SNAPC1: variants seen among roughly 807,000 people sequenced by gnomAD.
The protein encoded by SNAPC1 is small nuclear RNA activating complex polypeptide 1, also known as snRNA-activating protein complex subunit 1.
In SNAPC1, 42 loss-of-function variants were observed where a neutral mutation model predicts 50.1. The ratio of observed to expected loss-of-function variants is 0.84; its 90% CI spans 0.65 to 1.08. The LOEUF is 1.08. Ranked by LOEUF, SNAPC1 falls within the 50% of genes least tolerant of loss-of-function variation. The pLI, the probability that SNAPC1 is intolerant of heterozygous loss-of-function variation, is 0.00. For synonymous variants in SNAPC1, 164 were observed against 144.2 expected, an observed-to-expected ratio of 1.14 and a Z score of -0.98; for missense variants, 477 against 427.3, an observed-to-expected ratio of 1.12 and a Z score of -1.02.
intron 8 of SNAPC1, among the ~76,000 whole-genome samples, chr14:61,787,671 G>A (rs1164062228): frequency 6.6e-6 from 1 of 152,180 alleles, no homozygotes; most frequent in Non-Finnish European, 1.5e-5. Flanking sequence ...AAGTACTGCC[G>A]CTGGGATTGG....
chr14:61,778,848 A>G lies in SNAPC1; in HGVS notation c.763A>G (p.Arg255Gly). ...TTTTTCCTTCTTATTTTACATCCAG[A>G]GATGTGAAAGGGCAGAATCATTAGC... ...KMEGNSQETE[R>G]CERAESLAKI... The change falls in exon 7 of 10, where the codon AGA becomes GGA. Residue 255 changes from arginine (R) to glycine (G), a missense_variant and splice_region_variant. By Grantham distance (125) the Arg-to-Gly change is moderately radical. Coordinates refer to ENST00000216294, the MANE Select transcript of SNAPC1 (RefSeq NM_003082.4). 1 of 1,553,962 alleles carries G rather than the reference A, an allele frequency of 6.4e-7. No homozygotes were observed. Among genetic ancestry groups the G allele is most frequent in the Non-Finnish European group, 8.7e-7 (1 of 1,150,092 alleles).
chr14:61,775,759 A>G (rs1480160763), intron 4 of SNAPC1, among the ~76,000 whole-genome samples: 1 of 152,234 alleles, frequency 6.6e-6, no homozygotes, highest in Non-Finnish European at 1.5e-5. Context: ...GTGATATTTA[A>G]TGATATGTCA....
chr14:61,784,634 T>A (rs2045101609), intron 8 of SNAPC1, among the ~76,000 whole-genome samples: 1 of 152,240 alleles, frequency 6.6e-6, no homozygotes, highest in African/African-American at 2.4e-5. Context: ...GTGGTTGTAG[T>A]CCAGTAAAAC....
rs370295682 is a variant in SNAPC1, at chr14:61,770,614, C to T, written c.534+1874C>T. Among the ~76,000 whole-genome samples the T allele has an allele frequency of 7.2e-5, 11 of 152,084 alleles. No homozygotes were observed. The East Asian group carries it at 2.1e-3, about 29-fold the overall frequency. ...CAGGTAGCAAATTGATTTTTGGGAG[C>T]ACTCTGGGTCTGTTCTGTAAAGTAA... is the stretch of plus-strand genomic sequence containing the variant. On this transcript the variant is annotated intron_variant, in intron 4 of 9. Transcript: ENST00000216294.
chr14:61,780,171 G>A (rs1343181450), intron 7 of SNAPC1, among the ~76,000 whole-genome samples: 2 of 152,200 alleles, frequency 1.3e-5, no homozygotes, highest in African/African-American at 4.8e-5. Flanking sequence ...GGGGAGGAGG[G>A]TGGGAAATAA....
In SNAPC1 at chr14:61,762,516, A is replaced by G; in HGVS notation, c.56A>G (p.Gln19Arg). Residue 19 changes from glutamine (Q) to arginine (R), a missense_variant, in exon 1 of 10, where the codon CAG becomes CGG. Physicochemically the swap from Gln to Arg is conservative, Grantham distance 43 (BLOSUM62 1). Transcript: ENST00000216294. Reference protein sequence around the residue: ...TDCEALLSRFQETDSVRFEDF... With the variant: ...TDCEALLSRFRETDSVRFEDF... ...TGCGAGGCGCTGCTCAGCCGCTTCC[A>G]GGAGACGGACAGTGTACGCTTCGAG... 1 of 1,441,070 alleles carries G rather than the reference A, an allele frequency of 6.9e-7. No homozygotes were observed. The highest frequency in any genetic ancestry group is 9.1e-7 in the Non-Finnish European group (1 of 1,093,244). The allele number at this position is 1,441,070 out of a possible 1,614,324, so 89.3% of individuals were successfully genotyped here.
chr14:61,787,798 T>C (rs961562193), intron 8 of SNAPC1, among the ~76,000 whole-genome samples: 1 of 152,224 alleles, frequency 6.6e-6, no homozygotes, highest in Admixed American at 6.5e-5. Flanking sequence ...TACGGAGTCC[T>C]TCTCAGGCCA....
chr14:61,782,438 TG>T, intron 8 of SNAPC1, 41 bp downstream of exon 8: 2 of 1,511,092 alleles, frequency 1.3e-6, no homozygotes, highest in Non-Finnish European at 1.8e-6. Flanking sequence ...CAAAGGAGAA[TG>T]GGTTTTATTT....
intron 8 of SNAPC1, among the ~76,000 whole-genome samples, chr14:61,783,527 G>GT (rs1566591960): frequency 1.7e-4 from 21 of 127,148 alleles, no homozygotes; most frequent in East Asian, 2.2e-4. Flanking sequence ...AGTTTGGTTT[G>GT]GTTTTTTTTT....
At chr14:61,787,077 G>A (rs1594651517) in intron 8 of SNAPC1, among the ~76,000 whole-genome samples, 1 of 152,362 alleles carries the variant, frequency 6.6e-6, no homozygotes, top group South Asian at 2.1e-4. Context: ...TGACATTCTG[G>A]AAGAGGCAAA....
At chr14:61,779,872 C>G (rs1337116908) in intron 7 of SNAPC1, among the ~76,000 whole-genome samples, 1 of 151,984 alleles carries the variant, frequency 6.6e-6, no homozygotes, top group Non-Finnish European at 1.5e-5. Context: ...CCACGCATGG[C>G]TAATTTTGTA....
At chr14:61,790,334 A>G (rs995589697) in intron 8 of SNAPC1, among the ~76,000 whole-genome samples, 7 of 152,146 alleles carry the variant, frequency 4.6e-5, no homozygotes, top group African/African-American at 1.7e-4. Flanking sequence ...AGCAACTACT[A>G]TTTATTAACA....
chr14:61,766,293 G>A (rs879826795), intron 1 of SNAPC1, among the ~76,000 whole-genome samples: 16 of 152,160 alleles, frequency 1.1e-4, no homozygotes, highest in Non-Finnish European at 1.9e-4. Flanking sequence ...GTTACTTCAA[G>A]TTCTAAGTTG....
chr14:61,777,555 T>G (rs148780311), intron 5 of SNAPC1, among the ~76,000 whole-genome samples: 125 of 152,170 alleles, frequency 8.2e-4, no homozygotes, highest in African/African-American at 3.0e-3. Flanking sequence ...TTTTTTTTGT[T>G]TTTTGTAGAG....
At chr14:61,764,830 A>G (rs1340228527) in intron 1 of SNAPC1, among the ~76,000 whole-genome samples, 1 of 152,176 alleles carries the variant, frequency 6.6e-6, no homozygotes, top group Non-Finnish European at 1.5e-5. Flanking sequence ...GGCATTTTGT[A>G]TTCTTTTCCT....
intron 4 of SNAPC1, among the ~76,000 whole-genome samples, chr14:61,772,441 C>T (rs897639426): frequency 6.6e-6 from 1 of 152,240 alleles, no homozygotes; most frequent in African/African-American, 2.4e-5. Context: ...GGCAGGGTTT[C>T]GGCATCTTGG....
Position 61,762,422 on chromosome 14 carries a change from A to AGGCGTGCGGGCTTCGGG in SNAPC1, c.-23_-22insGGGCGTGCGGGCTTCGG. Reference sequence around the variant, plus strand: ...CGACCACCGCTGGCTAGTCCGTTAGAGGCGTGCGGGCTTCGGAGGCGTGCG... The same window carrying AGGCGTGCGGGCTTCGGG: ...CGACCACCGCTGGCTAGTCCGTTAGAGGCGTGCGGGCTTCGGGGGCGTGCGGGCTTCGGAGGCGTGCG... On this transcript the variant is annotated 5_prime_UTR_variant, in exon 1 of 10. Coordinates refer to ENST00000216294, the MANE Select transcript of SNAPC1 (RefSeq NM_003082.4). 5.6e-6 allele frequency: 9 copies of AGGCGTGCGGGCTTCGGG among 1,603,316 alleles called. No individual in the cohort carries two copies. Among genetic ancestry groups the AGGCGTGCGGGCTTCGGG allele is most frequent in the South Asian group, 1.1e-5 (1 of 90,760 alleles).
intron 8 of SNAPC1, among the ~76,000 whole-genome samples, chr14:61,783,004 A>G (rs955033795): frequency 2.0e-5 from 3 of 150,490 alleles, no homozygotes; most frequent in African/African-American, 7.4e-5. Flanking sequence ...ATCAGTCTAG[A>G]ATTTTCCAGT....
intron 1 of SNAPC1, among the ~76,000 whole-genome samples, 157 bp downstream of exon 1, chr14:61,762,745 A>T (rs2044916087): frequency 6.6e-6 from 1 of 152,042 alleles, no homozygotes; most frequent in African/African-American, 2.4e-5. Flanking sequence ...GTGCTCAGGC[A>T]ACGCGCTTTC....
Sources: allele counts gnomAD v4.1 joint callset (sites outside exome capture counted in the v4.1 genomes callset), GRCh38; gene constraint gnomAD v4.1.1; transcripts MANE v1.5; gene names NCBI Gene and HGNC (gene_info 2026-07-23, HGNC 2026-07-21).